TET2: variants seen among roughly 807,000 people sequenced by gnomAD.
TET2 encodes tet methylcytosine dioxygenase 2, also known as methylcytosine dioxygenase TET2.
In TET2, 299 loss-of-function variants were observed where a neutral mutation model predicts 142.9. The observed-to-expected ratio is 2.09, with a 90% CI of 1.90 to 2.30. The LOEUF is 2.30. Among genes scored for constraint, TET2 ranks in the 30% most tolerant of loss-of-function variants. The probability of loss-of-function intolerance (pLI) is 0.00; values close to 1 mark genes in which losing one functional copy is unlikely to be tolerated. For synonymous variants in TET2, 819 were observed against 849.0 expected (o/e 0.96, Z 0.61); for missense variants, 2,418 against 2,378.0 (o/e 1.02, Z -0.35).
intron 2 of TET2, among the ~76,000 whole-genome samples, chr4:105,199,734 C>T (rs1349711397): frequency 6.6e-6 from 1 of 152,146 alleles, no homozygotes. Flanking sequence ...TGTTGTTCCC[C>T]TCTGTGTCCA....
chr4:105,264,398 T>C (rs1410839746), intron 8 of TET2, among the ~76,000 whole-genome samples: 1 of 152,174 alleles, frequency 6.6e-6, no homozygotes, highest in Non-Finnish European at 1.5e-5. Flanking sequence ...GTTGGGTCAT[T>C]TTCTATTAAA....
At chr4:105,195,302 A>G (rs1726019034) in intron 2 of TET2, among the ~76,000 whole-genome samples, 2 of 152,300 alleles carry the variant, frequency 1.3e-5, no homozygotes, top group African/African-American at 4.8e-5. Flanking sequence ...ACAGGCACTA[A>G]AAACGTTTAT....
intron 1 of TET2, among the ~76,000 whole-genome samples, chr4:105,182,701 G>C (rs966899723): frequency 1.3e-5 from 2 of 152,158 alleles, no homozygotes; most frequent in Admixed American, 1.3e-4. Context: ...GAACATTAGA[G>C]AATATTGTTA....
At position 105,279,545 on chromosome 4, in the gene TET2, T is replaced by C. The variant is rs1000934508; in HGVS notation, c.*3026T>C. ...ATGTACAGTTCACTTCTGAAGCTAGTGGTTAACTTGTGTAGGAAACTTTTG... is the reference window on the plus strand; with the variant it reads ...ATGTACAGTTCACTTCTGAAGCTAGCGGTTAACTTGTGTAGGAAACTTTTG... On this transcript the variant is annotated 3_prime_UTR_variant, in exon 11 of 11. Transcript: ENST00000380013. The C allele has an allele frequency of 8.6e-6, 2 of 232,562 alleles. No homozygotes were observed. The highest frequency in any genetic ancestry group is 4.4e-5 in the African/African-American group (2 of 45,320). The allele number at this position is 232,562 out of a possible 1,614,324, so 14.4% of individuals were successfully genotyped here. A position where few individuals can be genotyped will look rare whatever the true frequency, so the allele number is the denominator to read the frequency against.
chr4:105,210,008 C>T (rs540656210), intron 2 of TET2, among the ~76,000 whole-genome samples: 4 of 152,166 alleles, frequency 2.6e-5, no homozygotes, highest in Non-Finnish European at 5.9e-5. Flanking sequence ...ATTTTTTAAA[C>T]GGGAAGAAAG....
At chr4:105,203,689 A>G (rs1360120057) in intron 2 of TET2, among the ~76,000 whole-genome samples, 1 of 152,186 alleles carries the variant, frequency 6.6e-6, no homozygotes, top group Non-Finnish European at 1.5e-5. Context: ...TAAACTCTTA[A>G]CATAGCACAA....
At chr4:105,222,159 G>A (rs1727868659) in intron 2 of TET2, among the ~76,000 whole-genome samples, 1 of 152,036 alleles carries the variant, frequency 6.6e-6, no homozygotes, top group Non-Finnish European at 1.5e-5. Flanking sequence ...ATTGTGAATA[G>A]TGCCGCAATA....
intron 2 of TET2, among the ~76,000 whole-genome samples, chr4:105,227,507 A>C (rs570151963): frequency 7.6e-6 from 1 of 131,058 alleles, no homozygotes; most frequent in Non-Finnish European, 1.5e-5. Context: ...CTTCAATAGC[A>C]AGGTGTTTGA....
intron 6 of TET2, among the ~76,000 whole-genome samples, chr4:105,256,026 A>G (rs1296198618): frequency 6.6e-6 from 1 of 152,136 alleles, no homozygotes; most frequent in Non-Finnish European, 1.5e-5. Flanking sequence ...CCATATAGCT[A>G]CATTCCCTCT....
In TET2 at chr4:105,272,743, CAGGA is replaced by C; in HGVS notation, c.4363_4366del (p.Arg1455CysfsTer2). ...TACTGAGTTCTTTTCGGCGAAAAGT[CAGGA>C]TGTTAGCAGAGCCAGTCAAGACTTG... On this transcript the variant is annotated frameshift_variant, in exon 10 of 11. Transcript: ENST00000380013. LOFTEE classifies it high-confidence loss of function. 1 of 1,551,568 alleles carries C rather than the reference CAGGA, an allele frequency of 6.4e-7. No homozygotes were observed. The highest frequency in any genetic ancestry group is 8.7e-7 in the Non-Finnish European group (1 of 1,146,984).
upstream of TET2, chr4:105,146,551 C>T (rs1042833052): frequency 1.3e-5 from 2 of 152,552 alleles, no homozygotes; most frequent in Non-Finnish European, 2.9e-5. Context: ...GTGCTGGACG[C>T]CCGGTGCGGG....
At chr4:105,147,183 A>T (rs1160596099) in intron 1 of TET2, among the ~76,000 whole-genome samples, 1 of 152,218 alleles carries the variant, frequency 6.6e-6, no homozygotes, top group Non-Finnish European at 1.5e-5. Flanking sequence ...TTAAACCTGT[A>T]GTTCTGTGTT....
Position 105,220,830 on chromosome 4 carries a change from T to G in TET2, c.-46-13067T>G, listed in dbSNP as rs541558763. ...TATTTCTTCTATCACCATAGCTACTTCAGCTTTGCCTGCTGAGTCCACCCC... is the reference window on the plus strand; with the variant it reads ...TATTTCTTCTATCACCATAGCTACTGCAGCTTTGCCTGCTGAGTCCACCCC... On this transcript the variant is annotated intron_variant, in intron 2 of 10. Transcript: ENST00000380013. Among the ~76,000 whole-genome samples, 206 of 152,294 alleles carry G rather than the reference T, an allele frequency of 1.4e-3. 1 individual carries two copies. Among genetic ancestry groups the G allele is most frequent in the Non-Finnish European group, 2.4e-3 (160 of 68,012 alleles).
chr4:105,191,903 C>G (rs1725812074), intron 2 of TET2, among the ~76,000 whole-genome samples: 1 of 152,102 alleles, frequency 6.6e-6, no homozygotes, highest in Non-Finnish European at 1.5e-5. Flanking sequence ...TTAGAGTAAT[C>G]ATTGTCACTG....
chr4:105,158,456 G>A (rs553537712), intron 1 of TET2, among the ~76,000 whole-genome samples: 2 of 152,126 alleles, frequency 1.3e-5, no homozygotes, highest in Admixed American at 6.5e-5. Flanking sequence ...GGTGAAATCC[G>A]AGATAGGAAG....
chr4:105,213,296 G>T (rs932179538), intron 2 of TET2, among the ~76,000 whole-genome samples: 17 of 152,072 alleles, frequency 1.1e-4, no homozygotes, highest in Non-Finnish European at 1.6e-4. Flanking sequence ...AAGTCATAAA[G>T]GCAGAATTTG....
intron 8 of TET2, among the ~76,000 whole-genome samples, chr4:105,266,816 A>G (rs924917729): frequency 1.3e-5 from 2 of 152,078 alleles, no homozygotes; most frequent in African/African-American, 2.4e-5. Flanking sequence ...GGAGACAGAA[A>G]AATATTTAAA....
At chr4:105,173,938 T>C (rs1465486279) in intron 1 of TET2, among the ~76,000 whole-genome samples, 1 of 152,212 alleles carries the variant, frequency 6.6e-6, no homozygotes, top group Non-Finnish European at 1.5e-5. Flanking sequence ...ATATATATTT[T>C]ACCCATGCAT....
chr4:105,165,871 T>C (rs1202305684), intron 1 of TET2, among the ~76,000 whole-genome samples: 1 of 152,208 alleles, frequency 6.6e-6, no homozygotes, highest in African/African-American at 2.4e-5. Context: ...CCCACAATAA[T>C]GCATTGCTTT....
Sources: allele counts gnomAD v4.1 joint callset (sites outside exome capture counted in the v4.1 genomes callset), GRCh38; gene constraint gnomAD v4.1.1; transcripts MANE v1.5; gene names NCBI Gene and HGNC (gene_info 2026-07-23, HGNC 2026-07-21).